SMC4: variants seen among roughly 807,000 people sequenced by gnomAD.
SMC4 encodes structural maintenance of chromosomes protein 4.
In SMC4, 87 loss-of-function variants were observed where a neutral mutation model predicts 145.6. That is an observed-to-expected ratio of 0.60 (90% CI 0.50 to 0.71). The LOEUF (loss-of-function observed/expected upper bound fraction) is 0.71. Among genes scored for constraint, SMC4 ranks in the 30% least tolerant of loss-of-function variants. SMC4 has a pLI of 0.00. For missense variants in SMC4, 1,447 were observed against 1,537.1 expected (o/e 0.94, Z 0.98); for synonymous variants, 558 against 500.7 (o/e 1.11, Z -1.53).
intron 7 of SMC4, among the ~76,000 whole-genome samples, chr3:160,413,079 C>T (rs532945646): frequency 6.6e-6 from 1 of 152,192 alleles, no homozygotes; most frequent in South Asian, 2.1e-4. Flanking sequence ...GACTACAGGG[C>T]ACACACCAAC....
rs1247655410 is a variant in SMC4, at chr3:160,434,581, T to C, written c.*772T>C. The C allele has an allele frequency of 2.6e-5, 4 of 152,186 alleles. No individual in the cohort carries two copies. Among genetic ancestry groups the C allele is most frequent in the Admixed American group, 1.3e-4 (2 of 15,274 alleles). The allele number at this position is 152,186 out of a possible 1,614,324, so 9.4% of individuals were successfully genotyped here. On this transcript the variant is annotated 3_prime_UTR_variant, in exon 24 of 24. Coordinates refer to ENST00000357388, the MANE Select transcript of SMC4 (RefSeq NM_001002800.3). ...GTTTACCAGGATGTAGTCCCACTGT[T>C]GAGGAGCATCTATTTAGGGGTTAAT...
Position 160,401,904 on chromosome 3 carries a change from C to T in SMC4, c.140-11C>T. The T allele has an allele frequency of 6.4e-7, 1 of 1,557,066 alleles. No individual in the cohort carries two copies. The highest frequency in any genetic ancestry group is 8.6e-7 in the Non-Finnish European group (1 of 1,157,112). On this transcript the variant is annotated splice_polypyrimidine_tract_variant and intron_variant, in intron 2 of 23. Coordinates refer to ENST00000357388, the MANE Select transcript of SMC4 (RefSeq NM_001002800.3). ...GTTTGCCTTCGTTTTCCTTTCCTTT[C>T]ACTGACTTAGAGACTGCAAGTGAGG...
intron 22 of SMC4, 140 bp from the exon 23 acceptor site, chr3:160,432,886 A>C: frequency 1.6e-6 from 1 of 634,620 alleles, no homozygotes; most frequent in East Asian, 2.7e-5. Context: ...ATAAAATAAC[A>C]GAAAAGAGAA....
In SMC4 at chr3:160,423,837, A is replaced by C; in HGVS notation, c.2322A>C (p.Glu774Asp). 6.2e-7 allele frequency: 1 copy of C among 1,611,114 alleles called. No homozygotes were observed. Among genetic ancestry groups the C allele is most frequent in the Non-Finnish European group, 8.5e-7 (1 of 1,178,706 alleles). The change falls in exon 15 of 24, where the codon GAA becomes GAC. Residue 774 changes from glutamate (E) to aspartate (D), a missense_variant. Glu to Asp is a conservative substitution (Grantham distance 45). Transcript: ENST00000357388. ...CACTTGTTATTGAAATCTCTGAAGAAGAGGTCAGCATATCTAAAATTGTAT... is the reference window on the plus strand; with the variant it reads ...CACTTGTTATTGAAATCTCTGAAGACGAGGTCAGCATATCTAAAATTGTAT... ...GSSLVIEISE[E>D]EVNKMESQLQ... is the part of the protein sequence containing the mutation.
In SMC4 at chr3:160,431,638, T is replaced by C; in HGVS notation, c.3115-5T>C. 14 of 1,571,446 alleles carry C rather than the reference T, an allele frequency of 8.9e-6. No individual in the cohort carries two copies. Among genetic ancestry groups the C allele is most frequent in the Non-Finnish European group, 1.2e-5 (14 of 1,166,272 alleles). On this transcript the variant is annotated splice_polypyrimidine_tract_variant and splice_region_variant and intron_variant, in intron 20 of 23. Transcript: ENST00000357388. ...CTCTAACTCTCCCCTAAATTGAACT[T>C]TTAGATTTCAAAAATATCACTGCAT...
At chr3:160,432,613 T>C in intron 22 of SMC4, 98 bp downstream of exon 22, 2 of 766,582 alleles carry the variant, frequency 2.6e-6, no homozygotes, top group South Asian at 4.1e-5. Context: ...AGGCAAGATG[T>C]ACAACTTGTT....
intron 11 of SMC4, among the ~76,000 whole-genome samples, chr3:160,419,104 T>C (rs1716894639): frequency 6.6e-6 from 1 of 152,194 alleles, no homozygotes; most frequent in South Asian, 2.1e-4. Flanking sequence ...CAGGATGAAC[T>C]GTTTGCTCCT....
chr3:160,431,987 G>C (rs918072498), intron 21 of SMC4, among the ~76,000 whole-genome samples, 162 bp downstream of exon 21: 2 of 152,226 alleles, frequency 1.3e-5, no homozygotes, highest in African/African-American at 4.8e-5. Flanking sequence ...TGGATCACAA[G>C]GTCAGGAGTT....
chr3:160,417,582 C>A, intron 10 of SMC4, 141 bp from the exon 11 acceptor site: 1 of 685,572 alleles, frequency 1.5e-6, no homozygotes, highest in Admixed American at 3.0e-5. Context: ...GAATCTAGTC[C>A]ACTTGTGAGA....
chr3:160,402,558 T>C (rs1045639379), intron 3 of SMC4, 118 bp from the exon 4 acceptor site: 20 of 1,037,248 alleles, frequency 1.9e-5, no homozygotes, highest in Non-Finnish European at 2.7e-5. Context: ...ATGAGAACTT[T>C]TAAATACTTG....
chr3:160,425,022 A>ATGTGTATGTGTGTGTGTGTG lies in SMC4; in HGVS notation c.2478+8_2478+9insATGTGTGTGTGTGTGTGTGT. On this transcript the variant is annotated splice_donor_region_variant and intron_variant, in intron 16 of 23. Coordinates refer to ENST00000357388, the MANE Select transcript of SMC4 (RefSeq NM_001002800.3). ...AAAAATTTACTGCAAGCATCCAGGTATGTGTGTGTGTGTGTGTGTGTGTGT... is the reference window on the plus strand; with the variant it reads ...AAAAATTTACTGCAAGCATCCAGGTATGTGTATGTGTGTGTGTGTGTGTGTGTGTGTGTGTGTGTGTGTGT... 6.8e-7 allele frequency: 1 copy of ATGTGTATGTGTGTGTGTGTG among 1,468,122 alleles called. No individual in the cohort carries two copies. Among genetic ancestry groups the ATGTGTATGTGTGTGTGTGTG allele is most frequent in the Non-Finnish European group, 9.2e-7 (1 of 1,090,112 alleles). The allele number at this position is 1,468,122 out of a possible 1,614,324, so 90.9% of individuals were successfully genotyped here. A position where few individuals can be genotyped will look rare whatever the true frequency, so the allele number is the denominator to read the frequency against.
At chr3:160,425,723 A>G (rs938012303) in intron 16 of SMC4, among the ~76,000 whole-genome samples, 41 of 152,230 alleles carry the variant, frequency 2.7e-4, no homozygotes, top group African/African-American at 8.2e-4. Flanking sequence ...TATGTGTACA[A>G]TGTTTAAGGC....
At position 160,414,474 on chromosome 3, in the gene SMC4, A is replaced by G. The variant is rs188308640; in HGVS notation, c.1229A>G (p.Lys410Arg). ...GAAAAGTTAAAACATGCCACGAGTA[A>G]AGCCAAAAAACTGGAGAAACAACTT... ...VREKLKHATS[K>R]AKKLEKQLQK... Residue 410 changes from lysine (K) to arginine (R), a missense_variant, in exon 9 of 24, where the codon AAA (lysine) becomes AGA (arginine). Transcript: ENST00000357388. 2.5e-6 allele frequency: 4 copies of G among 1,611,604 alleles called. No individual in the cohort carries two copies. The East Asian group carries it at 8.9e-5, about 36-fold the overall frequency.
chr3:160,421,985 C>T (rs78559748), intron 13 of SMC4, among the ~76,000 whole-genome samples: 6,329 of 152,276 alleles, frequency 0.042, 238 homozygotes, highest in Middle Eastern at 0.1. Flanking sequence ...CCTTTTTATA[C>T]AGCTACATTT....
chr3:160,401,027 C>T, intron 2 of SMC4, 62 bp downstream of exon 2: 1 of 1,357,240 alleles, frequency 7.4e-7, no homozygotes, highest in Non-Finnish European at 9.4e-7. Flanking sequence ...CAAACGCGCC[C>T]AGCCCGAGGC....
At position 160,400,765 on chromosome 3, in the gene SMC4, C is replaced by T; in HGVS notation, c.-5-57C>T. 3.5e-6 allele frequency: 5 copies of T among 1,422,864 alleles called. No individual in the cohort carries two copies. In the South Asian group the frequency reaches 7.3e-5, roughly 21 times the overall value. 88.1% of individuals were successfully genotyped at this position (1,422,864 alleles called of 1,614,324 possible). On this transcript the variant is annotated intron_variant, in intron 1 of 23. Coordinates refer to ENST00000357388, the MANE Select transcript of SMC4 (RefSeq NM_001002800.3). ...TGGACCGAGATTTCCCCGGGTGGGG[C>T]GGGCGCGGTGTAGCGGCCCGCGGGC...
In SMC4 at chr3:160,419,561, G is replaced by T. The variant is rs769477070; in HGVS notation, c.1857+18G>T. On this transcript the variant is annotated intron_variant, in intron 12 of 23. Transcript: ENST00000357388. ...GAAGATTGGTAAAGTAGATTTTTGG[G>T]GGGCATGGCTTTACTTTTTTTTTTT... is the stretch of plus-strand genomic sequence containing the variant. 6.4e-7 allele frequency: 1 copy of T among 1,567,078 alleles called. No homozygotes were observed. The highest frequency in any genetic ancestry group is 8.6e-7 in the Non-Finnish European group (1 of 1,166,390).
chr3:160,426,488 A>G (rs1215496227), intron 17 of SMC4, among the ~76,000 whole-genome samples: 1 of 152,192 alleles, frequency 6.6e-6, no homozygotes, highest in Non-Finnish European at 1.5e-5. Flanking sequence ...AATCTTTCCA[A>G]AACCCCTTCA....
chr3:160,415,813 C>T (rs1255617418), intron 9 of SMC4, among the ~76,000 whole-genome samples: 2 of 152,184 alleles, frequency 1.3e-5, no homozygotes, highest in Non-Finnish European at 2.9e-5. Flanking sequence ...ATTAGCCCTA[C>T]ATGATGACTC....
Sources: gnomAD v4.1 joint callset for allele counts (sites outside exome capture counted in the v4.1 genomes callset) on GRCh38, gnomAD v4.1.1 for gene constraint, MANE v1.5 for transcripts, NCBI Gene and HGNC (gene_info 2026-07-23, HGNC 2026-07-21) for gene names.